The following CARF variants were observed in gnomAD, a reference collection of about 807,000 sequenced individuals.
CARF encodes the protein calcium responsive transcription factor, also known as calcium-responsive transcription factor.
CARF carries 57 observed loss-of-function variants against 82.0 expected under a neutral mutation model. That is an observed-to-expected ratio of 0.70 (90% CI 0.56 to 0.87). CARF has a LOEUF of 0.87. CARF is among the 40% of genes least tolerant of loss of function. CARF has a pLI of 0.00. For missense variants in CARF, 771 were observed against 855.8 expected (o/e 0.90, Z 1.24); for synonymous variants, 268 against 290.1 (o/e 0.92, Z 0.77).
intron 9 of CARF, among the ~76,000 whole-genome samples, chr2:202,964,207 T>C (rs1267771469): frequency 6.6e-6 from 1 of 152,226 alleles, no homozygotes; most frequent in Non-Finnish European, 1.5e-5. Flanking sequence ...CTGTCAGCAG[T>C]GTGTGAAAAT....
chr2:202,973,073 C>G (rs932467987), intron 12 of CARF, among the ~76,000 whole-genome samples: 2 of 152,080 alleles, frequency 1.3e-5, no homozygotes, highest in East Asian at 1.9e-4. Context: ...TCGGTGTTTT[C>G]TTATAGCATT....
chr2:202,971,477 A>T, intron 11 of CARF, 28 bp from the exon 12 acceptor site: 1 of 1,322,904 alleles, frequency 7.6e-7, no homozygotes, highest in Non-Finnish European at 1.1e-6. Context: ...TTTAAATTTT[A>T]GTAATTTTAA....
At chr2:202,962,270 T>C (rs1373482345) in intron 9 of CARF, 1 of 152,174 alleles carries the variant, frequency 6.6e-6, no homozygotes, top group African/African-American at 2.4e-5. Context: ...GGCGAGAGGA[T>C]TGCTTGAGCT....
At chr2:202,925,273 C>A in intron 3 of CARF, 1 of 357,938 alleles carries the variant, frequency 2.8e-6, no homozygotes. Context: ...GCTGGAATCT[C>A]ACCTGGAAGA....
chr2:202,947,303 A>T (rs1019520906), intron 5 of CARF, among the ~76,000 whole-genome samples: 27 of 152,342 alleles, frequency 1.8e-4, no homozygotes, highest in African/African-American at 6.5e-4. Flanking sequence ...GCCATAAAAA[A>T]GAATGAGTTC....
At chr2:202,935,147 A>G (rs1286796038) in intron 3 of CARF, among the ~76,000 whole-genome samples, 2 of 109,532 alleles carry the variant, frequency 1.8e-5, no homozygotes, top group African/African-American at 6.3e-5. Flanking sequence ...ATATAATTAT[A>G]ATATATACTC....
At chr2:202,945,971 T>C (rs963999961) in intron 5 of CARF, among the ~76,000 whole-genome samples, 2 of 152,180 alleles carry the variant, frequency 1.3e-5, no homozygotes, top group Non-Finnish European at 2.9e-5. Context: ...CTCACTAGCA[T>C]CTGTTATCTT....
chr2:202,988,210 C>T lies in CARF; in HGVS notation c.*4586C>T, dbSNP rs2060497799. Among the ~76,000 whole-genome samples, 1 of 152,132 alleles carries T rather than the reference C, an allele frequency of 6.6e-6. No individual in the cohort carries two copies. Among genetic ancestry groups the T allele is most frequent in the Admixed American group, 6.5e-5 (1 of 15,276 alleles). On this transcript the variant is annotated 3_prime_UTR_variant, in exon 17 of 17. Transcript: ENST00000438828. ...ATTTGTTTATTCTTTTGATGATGGACATTAATAGTTCTAGGCTATTATGAA... is the reference window on the plus strand; with the variant it reads ...ATTTGTTTATTCTTTTGATGATGGATATTAATAGTTCTAGGCTATTATGAA...
chr2:202,960,401 C>T (rs879475139), intron 8 of CARF, among the ~76,000 whole-genome samples: 7 of 152,002 alleles, frequency 4.6e-5, no homozygotes, highest in African/African-American at 1.4e-4. Flanking sequence ...AGGCAAGTGC[C>T]GCCACGCCCA....
intron 14 of CARF, among the ~76,000 whole-genome samples, chr2:202,979,499 G>A (rs2060159438): frequency 1.3e-5 from 2 of 151,948 alleles, no homozygotes; most frequent in Non-Finnish European, 2.9e-5. Context: ...GGAAGCTGAA[G>A]TTTAGAAACT....
chr2:202,941,124 A>G (rs976639415), intron 3 of CARF, among the ~76,000 whole-genome samples: 2 of 152,114 alleles, frequency 1.3e-5, no homozygotes, highest in African/African-American at 4.8e-5. Context: ...CTATAGCCCA[A>G]GGTAACTACA....
Position 202,982,418 on chromosome 2 carries a change from T to TTA in CARF, c.2039_2040dup (p.Asp681Ter), listed in dbSNP as rs1177684849. 3 of 1,614,038 alleles carry TTA rather than the reference T, an allele frequency of 1.9e-6. No homozygotes were observed. The highest frequency in any genetic ancestry group is 4.5e-5 in the East Asian group (2 of 44,880). Reference sequence around the variant, plus strand: ...GATGTGCAGACTATTCCAATACAGATTATAGACAACCACTCAGCTCTTAGT... The same window carrying TTA: ...GATGTGCAGACTATTCCAATACAGATTATATAGACAACCACTCAGCTCTTAGT... On this transcript the variant is annotated frameshift_variant, in exon 16 of 17. Transcript: ENST00000438828. LOFTEE classifies it high-confidence loss of function.
In CARF at chr2:202,970,026, T is replaced by C. The variant is rs756203268; in HGVS notation, c.1061T>C (p.Leu354Pro). 6 of 1,574,604 alleles carry C rather than the reference T, an allele frequency of 3.8e-6. No individual in the cohort carries two copies. Among genetic ancestry groups the C allele is most frequent in the Non-Finnish European group, 5.1e-6 (6 of 1,168,722 alleles). The change falls in exon 11 of 17, where the codon CTA becomes CCA. Residue 354 changes from leucine (L) to proline (P), a missense_variant. Coordinates refer to ENST00000438828, the MANE Select transcript of CARF (RefSeq NM_024744.17). ...RMEQEKAFNM[L>P]KKNLVDAGGV... ...GAGCAGGAGAAAGCTTTTAACATGC[T>C]AAAGAAGAACTTGGTAGATGCTGGT...
rs749642370 is a variant in CARF, at chr2:202,970,053, GT to G, written c.1089del (p.Val364PhefsTer19). On this transcript the variant is annotated frameshift_variant, in exon 11 of 17. Transcript: ENST00000438828. LOFTEE classifies it high-confidence loss of function. ...MLKKNLVDAG[G>X]VLRWYVQLPT... ...AAGAAGAACTTGGTAGATGCTGGTG[GT>G]GTTCTTAGGTATGACATTTTTATAG... 3.1e-5 allele frequency: 48 copies of G among 1,563,984 alleles called. No homozygotes were observed. Among genetic ancestry groups the G allele is most frequent in the Non-Finnish European group, 4.0e-5 (47 of 1,165,310 alleles).
At chr2:202,920,550 GT>G (rs1690608264) in intron 2 of CARF, among the ~76,000 whole-genome samples, 1 of 151,968 alleles carries the variant, frequency 6.6e-6, no homozygotes, top group African/African-American at 2.4e-5. Context: ...TGATCTTGAT[GT>G]CATCATGTTT....
intron 5 of CARF, among the ~76,000 whole-genome samples, chr2:202,946,209 G>C (rs2058489870): frequency 6.6e-6 from 1 of 152,100 alleles, no homozygotes; most frequent in Admixed American, 6.5e-5. Context: ...TAAGCAAAAA[G>C]AACAAAGCTA....
intron 9 of CARF, among the ~76,000 whole-genome samples, chr2:202,964,720 G>A (rs951252875): frequency 5.9e-5 from 9 of 151,748 alleles, no homozygotes; most frequent in African/African-American, 2.2e-4. Context: ...TCAGTATATG[G>A]TCAATCTTGT....
At chr2:202,958,249 A>ATGTGTGTG (rs71034206) in intron 8 of CARF, among the ~76,000 whole-genome samples, 39,829 of 139,730 alleles carry the variant, frequency 0.29, 6,105 homozygotes, top group East Asian at 0.53. Context: ...ATATACATAT[A>ATGTGTGTG]TGTGTGTGTG....
chr2:202,926,670 T>C (rs115200368), intron 3 of CARF, among the ~76,000 whole-genome samples: 25 of 152,342 alleles, frequency 1.6e-4, no homozygotes, highest in Non-Finnish European at 3.2e-4. Context: ...ATACAATACA[T>C]AGATCAAGTT....
Sources: gnomAD v4.1 joint callset for allele counts (sites outside exome capture counted in the v4.1 genomes callset) on GRCh38, gnomAD v4.1.1 for gene constraint, MANE v1.5 for transcripts, NCBI Gene and HGNC (gene_info 2026-07-23, HGNC 2026-07-21) for gene names.